The following RC3H1 variants were observed in gnomAD, a reference collection of about 807,000 sequenced individuals.
The protein encoded by RC3H1 is ring finger and CCCH-type domains 1.
Under a neutral mutation model 138.2 loss-of-function variants are expected in RC3H1, and 50 were observed. That is an observed-to-expected ratio of 0.36 (90% confidence interval 0.29 to 0.46). The LOEUF (loss-of-function observed/expected upper bound fraction) is 0.46. Among genes scored for constraint, RC3H1 ranks in the 20% least tolerant of loss-of-function variants. The pLI is 1.00. For synonymous variants in RC3H1, 462 were observed against 489.1 expected (o/e 0.94, Z 0.73); for missense variants, 1,031 against 1,388.1 (o/e 0.74, Z 4.09).
At chr1:173,974,803 G>A (rs1660506650) in intron 7 of RC3H1, among the ~76,000 whole-genome samples, 1 of 152,154 alleles carries the variant, frequency 6.6e-6, no homozygotes. Flanking sequence ...AGGGTGACAG[G>A]GTCGCTCCGG....
chr1:173,952,707 GATGTCTA>G (rs1238708106), intron 13 of RC3H1, among the ~76,000 whole-genome samples: 2 of 152,078 alleles, frequency 1.3e-5, no homozygotes, highest in Non-Finnish European at 2.9e-5. Context: ...AGATGAAAAG[GATGTCTA>G]ATTTTTATCT....
intron 1 of RC3H1, among the ~76,000 whole-genome samples, chr1:174,014,447 T>C (rs1301367209): frequency 1.3e-5 from 2 of 152,110 alleles, no homozygotes; most frequent in African/African-American, 4.8e-5. Context: ...TAGGCCCATA[T>C]AAATAGACTG....
chr1:174,015,912 A>G (rs916565692), intron 1 of RC3H1: 1 of 152,044 alleles, frequency 6.6e-6, no homozygotes, highest in Non-Finnish European at 1.5e-5. Flanking sequence ...CTTCAAGATA[A>G]AAGTTCGGCC....
At chr1:174,020,583 A>G (rs1314755088) in intron 1 of RC3H1, among the ~76,000 whole-genome samples, 1 of 152,232 alleles carries the variant, frequency 6.6e-6, no homozygotes, top group Non-Finnish European at 1.5e-5. Flanking sequence ...AATGTTAACA[A>G]GTGAAAAGCA....
At chr1:173,945,248 C>T (rs946999304) in intron 17 of RC3H1, among the ~76,000 whole-genome samples, 1 of 151,942 alleles carries the variant, frequency 6.6e-6, no homozygotes, top group Non-Finnish European at 1.5e-5. Context: ...CCTTCAGCCT[C>T]CTGAGTAGCT....
At chr1:173,975,551 A>T (rs922812155) in intron 7 of RC3H1, among the ~76,000 whole-genome samples, 2 of 152,176 alleles carry the variant, frequency 1.3e-5, no homozygotes, top group Non-Finnish European at 2.9e-5. Context: ...AATGCATTCC[A>T]ATTTCAGAAA....
At chr1:174,006,025 A>G (rs1661646786) in intron 1 of RC3H1, among the ~76,000 whole-genome samples, 1 of 152,044 alleles carries the variant, frequency 6.6e-6, no homozygotes, top group African/African-American at 2.4e-5. Context: ...GGCCAACATG[A>G]CAAAACCCCG....
chr1:174,014,620 ATCTT>A (rs994286441), intron 1 of RC3H1, among the ~76,000 whole-genome samples: 8 of 152,226 alleles, frequency 5.3e-5, no homozygotes, highest in Non-Finnish European at 1.2e-4. Context: ...CTGGATGAAT[ATCTT>A]TCTAATTTTT....
chr1:174,013,534 T>C (rs12097809), intron 1 of RC3H1, among the ~76,000 whole-genome samples: 59,931 of 151,390 alleles, frequency 0.4, 16,980 homozygotes, highest in African/African-American at 0.79. Context: ...CTCCGCCGCC[T>C]GGGTTCAAGC....
Position 173,958,290 on chromosome 1 carries a change from C to T in RC3H1, c.2370+2787G>A, listed in dbSNP as rs1052439126. ...GGGCACAGTAGCTCACGCCTGTAAT[C>T]CCAGCACTTTGGAAGGCCAAGACGG... On this transcript the variant is annotated intron_variant, in intron 13 of 19. Transcript: ENST00000367696. Among the ~76,000 whole-genome samples, 17 of 152,268 alleles carry T rather than the reference C, an allele frequency of 1.1e-4. No homozygotes were observed. The South Asian group carries it at 2.5e-3, about 22-fold the overall frequency.
In RC3H1 at chr1:174,022,349, CTCGTTGT is replaced by C; in HGVS notation, c.-411_-405del. 4 of 378,290 alleles carry C rather than the reference CTCGTTGT, an allele frequency of 1.1e-5. No individual in the cohort carries two copies. In the Admixed American group the frequency reaches 1.8e-4, roughly 17 times the overall value. The allele number at this position is 378,290 out of a possible 1,614,324, so 23.4% of individuals were successfully genotyped here. ...CTCCTCGTCCTCCGCCGCCCAGTCG[CTCGTTGT>C]CCTCGTCCCCTTCCTCTTCCTCAGG... On this transcript the variant is annotated 5_prime_UTR_variant, in exon 1 of 20. Transcript: ENST00000367696. This position sits in a 1 kb window ranked among gnomAD's most constrained non-coding sequence, Gnocchi z 4.2.
At chr1:173,973,312 C>T (rs776786073) in intron 7 of RC3H1, among the ~76,000 whole-genome samples, 1 of 152,064 alleles carries the variant, frequency 6.6e-6, no homozygotes, top group Admixed American at 6.6e-5. Context: ...CCGAGGTGGG[C>T]AGATCACAAG....
In RC3H1 at chr1:173,936,469, A is replaced by C. The variant is rs1658584735; in HGVS notation, c.*2252T>G. 1 of 135,548 alleles carries C rather than the reference A, an allele frequency of 7.4e-6. No homozygotes were observed. Among genetic ancestry groups the C allele is most frequent in the South Asian group, 2.4e-4 (1 of 4,124 alleles). The allele number at this position is 135,548 out of a possible 1,614,324, so 8.4% of individuals were successfully genotyped here. ...GTGGAGGTTGTAGCGAGCCGAGATC[A>C]ACCCACTGCACTCCAGCCTGGGCAA... On this transcript the variant is annotated 3_prime_UTR_variant, in exon 20 of 20. Coordinates refer to ENST00000367696, the MANE Select transcript of RC3H1 (RefSeq NM_172071.4).
At position 174,021,758 on chromosome 1, in the gene RC3H1, T is replaced by C. The variant is rs374331238; in HGVS notation, c.-151+338A>G. ...GCAGTTCCCGTGCGCATTCCCCGCC[T>C]GGCCCAGGCCCTGGGAGTACCACAG... On this transcript the variant is annotated intron_variant, in intron 1 of 19. Coordinates refer to ENST00000367696, the MANE Select transcript of RC3H1 (RefSeq NM_172071.4). Among the ~76,000 whole-genome samples the C allele has an allele frequency of 3.3e-5, 5 of 152,238 alleles. No homozygotes were observed. In the East Asian group the frequency reaches 5.8e-4, roughly 18 times the overall value.
rs952271680 is a variant in RC3H1, at chr1:173,933,758, C to G, written c.*4963G>C. ...TGAATGTGGATCAGCAAAATGGGCA[C>G]TCAGGTAAAATGATGACAGTAGTAG... On this transcript the variant is annotated 3_prime_UTR_variant, in exon 20 of 20. Transcript: ENST00000367696. 7.9e-5 allele frequency: 12 copies of G among 152,110 alleles called. No homozygotes were observed. The highest frequency in any genetic ancestry group is 1.5e-5 in the Non-Finnish European group (1 of 68,002). 9.4% of individuals were successfully genotyped at this position (152,110 alleles called of 1,614,324 possible). A position where few individuals can be genotyped will look rare whatever the true frequency, so the allele number is the denominator to read the frequency against.
chr1:174,019,968 A>G (rs1423537156), intron 1 of RC3H1, among the ~76,000 whole-genome samples: 2 of 152,194 alleles, frequency 1.3e-5, no homozygotes, highest in African/African-American at 4.8e-5. Context: ...TGCCCTTGAC[A>G]TAACACGGTG....
In RC3H1 at chr1:173,980,968, T is replaced by C; in HGVS notation, c.810A>G (p.Lys270=). ...GAGCTTCATAGGTTCTAAATTCTTC[T>C]TTCAGCTGCATCAAAGAAGAGTCTT... The part of the protein sequence containing the change: ...RDEDSSLMQL[K]EEFRTYEALR... Residue 270 remains lysine, a synonymous_variant, in exon 6 of 20, where the codon AAA becomes AAG. Coordinates refer to ENST00000367696, the MANE Select transcript of RC3H1 (RefSeq NM_172071.4). 1 of 1,613,978 alleles carries C rather than the reference T, an allele frequency of 6.2e-7. No individual in the cohort carries two copies. Among genetic ancestry groups the C allele is most frequent in the Non-Finnish European group, 8.5e-7 (1 of 1,179,878 alleles).
At chr1:174,008,763 G>C (rs1661697632) in intron 1 of RC3H1, among the ~76,000 whole-genome samples, 2 of 152,096 alleles carry the variant, frequency 1.3e-5, no homozygotes, top group Non-Finnish European at 2.9e-5. Flanking sequence ...GATCACCTGA[G>C]GTCAGGAGTT....
intron 1 of RC3H1, among the ~76,000 whole-genome samples, chr1:174,021,527 T>C (rs916054120): frequency 2.0e-5 from 3 of 152,082 alleles, no homozygotes; most frequent in Non-Finnish European, 4.4e-5. Context: ...ACACACAATT[T>C]TCCCATCGCC....
Sources: allele counts gnomAD v4.1 joint callset (sites outside exome capture counted in the v4.1 genomes callset), GRCh38; gene constraint gnomAD v4.1.1; non-coding constraint Gnocchi (gnomAD v3.1); transcripts MANE v1.5; gene names NCBI Gene and HGNC (gene_info 2026-07-23, HGNC 2026-07-21).